The following IGFL2 variants were observed in gnomAD, a reference collection of about 807,000 sequenced individuals.
The protein encoded by IGFL2 is IGF like family member 2.
IGFL2 carries 7 observed loss-of-function variants against 13.9 expected under a neutral mutation model. The ratio of observed to expected loss-of-function variants is 0.51; its 90% CI spans 0.29 to 0.95. IGFL2 has a LOEUF of 0.95. IGFL2 is among the 40% of genes least tolerant of loss of function. The pLI is 0.08. For synonymous variants in IGFL2, 55 were observed against 55.8 expected (o/e 0.99, Z 0.07); for missense variants, 138 against 147.8 (o/e 0.93, Z 0.34).
chr19:46,099,131 A>G, the IGFL2 span, among the ~76,000 whole-genome samples: 1,663 of 152,204 alleles, frequency 0.011, 22 homozygotes, highest in African/African-American at 0.036. Flanking sequence ...ATTTTCTTTA[A>G]GAATGATGAA....
At chr19:46,209,541 C>G in the IGFL2 span, 2 of 138,304 alleles carry the variant, frequency 1.4e-5, no homozygotes, top group Non-Finnish European at 3.4e-5. Flanking sequence ...CTTCTAGATT[C>G]CTAAGTTTAT....
chr19:46,098,419 A>G, the IGFL2 span, among the ~76,000 whole-genome samples: 2 of 150,710 alleles, frequency 1.3e-5, no homozygotes, highest in African/African-American at 4.9e-5. Flanking sequence ...GGGCTTCTTG[A>G]ATCTTGAATA....
chr19:46,081,910 G>A, the IGFL2 span, among the ~76,000 whole-genome samples: 9 of 152,230 alleles, frequency 5.9e-5, no homozygotes, highest in African/African-American at 2.2e-4. Context: ...CCTAAACACA[G>A]TGGCTTCATA....
Position 46,161,184 on chromosome 19 carries a change from A to C in IGFL2, c.*96A>C. On this transcript the variant is annotated 3_prime_UTR_variant, in exon 4 of 4. Transcript: ENST00000377693. The stretch of plus-strand genomic sequence containing the variant: ...AGTAGAGAAGCCTGAGGAATTTACA[A>C]AATGATGCAGCTCCAAGCCATTGTA... 2 of 910,780 alleles carry C rather than the reference A, an allele frequency of 2.2e-6. No individual in the cohort carries two copies. Among genetic ancestry groups the C allele is most frequent in the Non-Finnish European group, 1.7e-6 (1 of 578,994 alleles). The allele number at this position is 910,780 out of a possible 1,614,324, so 56.4% of individuals were successfully genotyped here.
chr19:46,136,973 G>T, the IGFL2 span: 1 of 1,477,930 alleles, frequency 6.8e-7, no homozygotes, highest in Non-Finnish European at 9.5e-7. Flanking sequence ...GTATATCTGT[G>T]TTTTGTCCCA....
the IGFL2 span, among the ~76,000 whole-genome samples, chr19:46,093,226 A>G: frequency 1.3e-5 from 2 of 152,182 alleles, no homozygotes; most frequent in African/African-American, 4.8e-5. Flanking sequence ...GATTATGAAA[A>G]TCTCAGCTTT....
chr19:46,087,624 G>A, the IGFL2 span, among the ~76,000 whole-genome samples: 2 of 152,246 alleles, frequency 1.3e-5, no homozygotes, highest in Admixed American at 1.3e-4. Context: ...TTTAGTGGGA[G>A]CAGCGTTAGG....
At chr19:46,148,111 A>G, upstream of IGFL2, 1 of 590,214 alleles carries the variant, frequency 1.7e-6, no homozygotes, top group African/African-American at 1.9e-5. Context: ...CTGTTGATGC[A>G]GTTTTTTCTT....
At chr19:46,177,009 T>G in the IGFL2 span, among the ~76,000 whole-genome samples, 1 of 152,194 alleles carries the variant, frequency 6.6e-6, no homozygotes, top group South Asian at 2.1e-4. Context: ...CTTTATGTGG[T>G]TCCAGATATC....
At chr19:46,105,539 G>A in the IGFL2 span, among the ~76,000 whole-genome samples, 1 of 152,184 alleles carries the variant, frequency 6.6e-6, no homozygotes, top group Non-Finnish European at 1.5e-5. Flanking sequence ...GGGGTCAGGT[G>A]GGGTATCAGG....
chr19:46,132,475 C>T, the IGFL2 span, among the ~76,000 whole-genome samples: 2 of 152,160 alleles, frequency 1.3e-5, no homozygotes, highest in Admixed American at 1.3e-4. Flanking sequence ...AAAGCCAGCA[C>T]CCAAAGTTGA....
At chr19:46,095,996 A>G in the IGFL2 span, among the ~76,000 whole-genome samples, 3 of 152,202 alleles carry the variant, frequency 2.0e-5, no homozygotes, top group African/African-American at 7.2e-5. Flanking sequence ...TGTCTTGGCT[A>G]TATGGGCTCT....
the IGFL2 span, among the ~76,000 whole-genome samples, chr19:46,170,667 G>C: frequency 6.6e-6 from 1 of 152,116 alleles, no homozygotes; most frequent in African/African-American, 2.4e-5. Context: ...TAACAGCCCT[G>C]GGAAAATAAT....
chr19:46,127,317 A>G, the IGFL2 span, among the ~76,000 whole-genome samples: 1 of 152,162 alleles, frequency 6.6e-6, no homozygotes, highest in African/African-American at 2.4e-5. Context: ...GCACCACTGT[A>G]ATCCAGCCTG....
the IGFL2 span, among the ~76,000 whole-genome samples, chr19:46,166,772 C>A: frequency 6.6e-6 from 1 of 152,316 alleles, no homozygotes; most frequent in African/African-American, 2.4e-5. Context: ...CGATATTTCT[C>A]CCATTTGCTT....
At chr19:46,148,986 A>G (rs1973293563) in intron 1 of IGFL2, 1 of 1,600,220 alleles carries the variant, frequency 6.2e-7, no homozygotes, top group Non-Finnish European at 8.5e-7. Context: ...CCAGGAAATC[A>G]TGAGGTTCAG....
chr19:46,169,522 G>A, the IGFL2 span, among the ~76,000 whole-genome samples: 2 of 152,178 alleles, frequency 1.3e-5, no homozygotes, highest in East Asian at 3.8e-4. Flanking sequence ...TAGTGTTGGA[G>A]ACCTAATGAG....
the IGFL2 span, among the ~76,000 whole-genome samples, chr19:46,082,590 C>A: frequency 6.6e-6 from 1 of 151,842 alleles, no homozygotes; most frequent in African/African-American, 2.4e-5. Flanking sequence ...AGGGTAGAAG[C>A]AGGGACTTCT....
the IGFL2 span, among the ~76,000 whole-genome samples, chr19:46,080,405 AG>A: frequency 6.3e-5 from 9 of 142,648 alleles, no homozygotes; most frequent in East Asian, 2.2e-4. Flanking sequence ...AATAAAAAAA[AG>A]AATAAATTTA....
Sources: gnomAD v4.1 joint callset for allele counts (sites outside exome capture counted in the v4.1 genomes callset) on GRCh38, gnomAD v4.1.1 for gene constraint, MANE v1.5 for transcripts, NCBI Gene and HGNC (gene_info 2026-07-23, HGNC 2026-07-21) for gene names.